The following ARMC1 variants were observed in gnomAD, a reference collection of about 807,000 sequenced individuals.
The protein encoded by ARMC1 is armadillo repeat-containing protein 1.
In ARMC1, 16 loss-of-function variants were observed where a neutral mutation model predicts 31.4. The ratio of observed to expected loss-of-function variants is 0.51; its 90% CI spans 0.34 to 0.77. The LOEUF (loss-of-function observed/expected upper bound fraction) is 0.77. ARMC1 is among the 30% of genes least tolerant of loss of function. ARMC1 has a pLI of 0.01. For missense variants in ARMC1, 259 were observed against 347.5 expected (o/e 0.75, Z 2.02); for synonymous variants, 114 against 118.9 (o/e 0.96, Z 0.27).
chr8:65,604,367 A>C lies in ARMC1; in HGVS notation c.*27T>G. 6.2e-7 allele frequency: 1 copy of C among 1,601,564 alleles called. No homozygotes were observed. Among genetic ancestry groups the C allele is most frequent in the Non-Finnish European group, 8.5e-7 (1 of 1,172,128 alleles). On this transcript the variant is annotated 3_prime_UTR_variant, in exon 7 of 7. Coordinates refer to ENST00000276569, the MANE Select transcript of ARMC1 (RefSeq NM_018120.6). ...TGGAAAACTGGCCCCTTGTTGGTTCACACAGTCCTTGAGCCCAAAAGTGAA... is the reference window on the plus strand; with the variant it reads ...TGGAAAACTGGCCCCTTGTTGGTTCCCACAGTCCTTGAGCCCAAAAGTGAA...
At chr8:65,610,640 A>G (rs1354798004) in intron 4 of ARMC1, among the ~76,000 whole-genome samples, 2 of 152,038 alleles carry the variant, frequency 1.3e-5, no homozygotes, top group South Asian at 2.1e-4. Context: ...GGTTGCAGCG[A>G]GCCGAGATTG....
intron 3 of ARMC1, 52 bp from the exon 4 acceptor site, chr8:65,613,485 A>G: frequency 7.7e-7 from 1 of 1,303,642 alleles, no homozygotes; most frequent in Non-Finnish European, 1.0e-6. Context: ...CTGATTCTGT[A>G]ATTTTATTTC....
intron 4 of ARMC1, among the ~76,000 whole-genome samples, chr8:65,612,594 T>G (rs982148828): frequency 2.0e-5 from 3 of 152,174 alleles, no homozygotes; most frequent in African/African-American, 7.2e-5. Flanking sequence ...CCGGGCATGG[T>G]GGCTCATCCC....
chr8:65,612,403 C>T (rs1383699072), intron 4 of ARMC1, among the ~76,000 whole-genome samples: 1 of 151,788 alleles, frequency 6.6e-6, no homozygotes, highest in Non-Finnish European at 1.5e-5. Context: ...CTGCAGTAGA[C>T]TATGATTGTG....
At chr8:65,616,966 T>C (rs2137701) in intron 3 of ARMC1, among the ~76,000 whole-genome samples, 94,485 of 148,870 alleles carry the variant, frequency 0.63, 29,736 homozygotes, top group African/African-American at 0.68. Context: ...GTGAGGAGCG[T>C]CTCCGCCCGG....
intron 3 of ARMC1, among the ~76,000 whole-genome samples, chr8:65,620,733 C>T (rs1400727231): frequency 1.3e-5 from 2 of 151,254 alleles, no homozygotes; most frequent in Non-Finnish European, 2.9e-5. Context: ...GCTTCTATCC[C>T]TCTGACTAAT....
chr8:65,604,011 GA>G lies in ARMC1; in HGVS notation c.*382del, dbSNP rs1807948969. The G allele has an allele frequency of 6.2e-6, 1 of 161,474 alleles. No homozygotes were observed. Among genetic ancestry groups the G allele is most frequent in the Admixed American group, 6.1e-5 (1 of 16,484 alleles). The allele number at this position is 161,474 out of a possible 1,614,324, so 10.0% of individuals were successfully genotyped here. ...AATTCATGCACAACTTGAGCTACAA[GA>G]AAACTTCTCTTCAGGTAGGTCCTGA... On this transcript the variant is annotated 3_prime_UTR_variant, in exon 7 of 7. Coordinates refer to ENST00000276569, the MANE Select transcript of ARMC1 (RefSeq NM_018120.6).
rs199910042 is a variant in ARMC1 at position 65,604,529 on chromosome 8, A to C, written c.714T>G (p.Pro238=). 1 of 1,614,116 alleles carries C rather than the reference A, an allele frequency of 6.2e-7. No individual in the cohort carries two copies. Among genetic ancestry groups the C allele is most frequent in the Admixed American group, 1.7e-5 (1 of 60,024 alleles). The change falls in exon 7 of 7, where the codon CCT becomes CCG. Residue 238 remains proline, a synonymous_variant. Coordinates refer to ENST00000276569, the MANE Select transcript of ARMC1 (RefSeq NM_018120.6). ...GACTCTCATCCTCAGGCAGGTAGTC[A>C]GGTAGCTCTGTGTTCTGTTCAACTT... The part of the protein sequence containing the change: ...PVEVEQNTEL[P]DYLPEDESPT...
chr8:65,617,102 G>C (rs1363893150), intron 3 of ARMC1, among the ~76,000 whole-genome samples: 1 of 152,252 alleles, frequency 6.6e-6, no homozygotes. Flanking sequence ...CTGCCCGGCG[G>C]CCACCCTGTC....
chr8:65,622,025 C>T (rs1808404435), intron 3 of ARMC1, among the ~76,000 whole-genome samples: 1 of 152,110 alleles, frequency 6.6e-6, no homozygotes, highest in Non-Finnish European at 1.5e-5. Flanking sequence ...GCAACCTCCA[C>T]CTCCGGGGTT....
chr8:65,605,077 C>T (rs1403980274), intron 6 of ARMC1, among the ~76,000 whole-genome samples, 186 bp downstream of exon 6: 1 of 152,164 alleles, frequency 6.6e-6, no homozygotes, highest in Non-Finnish European at 1.5e-5. Flanking sequence ...CATGTAAAAT[C>T]AGCAAGAGCA....
At chr8:65,625,923 T>C (rs1216004274) in intron 2 of ARMC1, among the ~76,000 whole-genome samples, 2 of 151,552 alleles carry the variant, frequency 1.3e-5, no homozygotes, top group Non-Finnish European at 2.9e-5. Flanking sequence ...AGTTTCACTC[T>C]TGTTGCCCAG....
At chr8:65,618,034 G>A (rs1808311576) in intron 3 of ARMC1, among the ~76,000 whole-genome samples, 1 of 152,010 alleles carries the variant, frequency 6.6e-6, no homozygotes, top group South Asian at 2.1e-4. Flanking sequence ...TCCTGTCTCA[G>A]CCCCGTGAGT....
intron 3 of ARMC1, among the ~76,000 whole-genome samples, chr8:65,617,464 C>T (rs1052383380): frequency 2.0e-5 from 3 of 152,050 alleles, no homozygotes; most frequent in Non-Finnish European, 4.4e-5. Flanking sequence ...TCTCAAGTAC[C>T]CATGGACACA....
At chr8:65,613,187 G>T (rs1462254690) in intron 4 of ARMC1, 57 bp downstream of exon 4, 4 of 1,312,632 alleles carry the variant, frequency 3.0e-6, no homozygotes, top group African/African-American at 1.5e-5. Flanking sequence ...TTAGCAAGTG[G>T]CACTGAAGAA....
At chr8:65,628,721 G>C (rs1158081615) in intron 1 of ARMC1, among the ~76,000 whole-genome samples, 2 of 151,326 alleles carry the variant, frequency 1.3e-5, no homozygotes, top group Non-Finnish European at 2.9e-5. Context: ...GCCGGGCATG[G>C]TGGCACGCAC....
intron 3 of ARMC1, among the ~76,000 whole-genome samples, chr8:65,619,137 C>A (rs1272482455): frequency 1.3e-5 from 2 of 152,164 alleles, no homozygotes; most frequent in African/African-American, 4.8e-5. Flanking sequence ...AAGATATTTA[C>A]ATCTTTGACT....
chr8:65,625,593 A>G (rs1434196525), intron 2 of ARMC1, among the ~76,000 whole-genome samples: 2 of 152,146 alleles, frequency 1.3e-5, no homozygotes, highest in East Asian at 1.9e-4. Flanking sequence ...CCAAGTCCCT[A>G]TCTATAGATC....
At chr8:65,628,247 T>C (rs6997959) in intron 1 of ARMC1, among the ~76,000 whole-genome samples, 96,500 of 151,752 alleles carry the variant, frequency 0.64, 30,898 homozygotes, top group African/African-American at 0.69. Context: ...TTGTTTTCCT[T>C]GTTTGTTTTG....
Sources: gnomAD v4.1 joint callset for allele counts (sites outside exome capture counted in the v4.1 genomes callset) on GRCh38, gnomAD v4.1.1 for gene constraint, MANE v1.5 for transcripts, NCBI Gene and HGNC (gene_info 2026-07-23, HGNC 2026-07-21) for gene names.